ZNF541: variants seen among roughly 807,000 people sequenced by gnomAD.
ZNF541 encodes the protein zinc finger protein 541.
Under a neutral mutation model 123.5 loss-of-function variants are expected in ZNF541, and 23 were observed. The observed-to-expected ratio is 0.19, with a 90% CI of 0.13 to 0.26. The LOEUF is 0.26. Ranked by LOEUF, ZNF541 falls within the 10% of genes least tolerant of loss-of-function variation. ZNF541 has a pLI of 1.00. For missense variants in ZNF541, 1,612 were observed against 1,789.9 expected (o/e 0.90, Z 1.79); for synonymous variants, 751 against 754.5 (o/e 1.00, Z 0.08).
At chr19:47,536,017 G>A (rs1969803003) in intron 9 of ZNF541, among the ~76,000 whole-genome samples, 1 of 152,208 alleles carries the variant, frequency 6.6e-6, no homozygotes. Context: ...TCAATTAAAA[G>A]TATTCCTTAC....
chr19:47,532,761 T>C, intron 10 of ZNF541, 148 bp downstream of exon 10: 1 of 553,504 alleles, frequency 1.8e-6, no homozygotes, highest in Non-Finnish European at 3.2e-6. Flanking sequence ...TCTTCCTACA[T>C]ATATTTGGAA....
chr19:47,541,196 T>C (rs1221775179), intron 5 of ZNF541, among the ~76,000 whole-genome samples: 7 of 152,132 alleles, frequency 4.6e-5, no homozygotes, highest in East Asian at 1.9e-4. Flanking sequence ...GGTGGGAGGA[T>C]TGCTTCAGCC....
rs556892560 is a variant in ZNF541 at position 47,527,951 on chromosome 19, G to A, written c.3570+999C>T. 6.0e-5 allele frequency among the ~76,000 whole-genome samples: 9 copies of A among 148,810 alleles called. No individual in the cohort carries two copies. The South Asian group carries it at 1.1e-3, about 18-fold the overall frequency. ...CAACCTCAGGTGATCCACATGCCTC[G>A]GCCTCCCAAAGTGCTGGGATTACAG... On this transcript the variant is annotated intron_variant, in intron 14 of 16. Coordinates refer to ENST00000391901, the MANE Select transcript of ZNF541 (RefSeq NM_001277075.3).
intron 9 of ZNF541, among the ~76,000 whole-genome samples, chr19:47,535,012 T>C (rs1969752044): frequency 6.6e-6 from 1 of 151,396 alleles, no homozygotes; most frequent in Non-Finnish European, 1.5e-5. Context: ...TGGAGTGCAG[T>C]GGTGCCATCC....
chr19:47,573,198 A>C (rs1971537570), upstream of ZNF541, among the ~76,000 whole-genome samples: 2 of 150,052 alleles, frequency 1.3e-5, no homozygotes, highest in East Asian at 2.0e-4. Context: ...CCACCCCCGG[A>C]TCTCCTCGCT....
chr19:47,545,043 C>T lies in ZNF541; in HGVS notation c.1486G>A (p.Asp496Asn). The T allele has an allele frequency of 6.7e-7, 1 of 1,483,386 alleles. No homozygotes were observed. The highest frequency in any genetic ancestry group is 1.3e-5 in the South Asian group (1 of 77,056). 91.9% of individuals were successfully genotyped at this position (1,483,386 alleles called of 1,614,324 possible). A position where few individuals can be genotyped will look rare whatever the true frequency, so the allele number is the denominator to read the frequency against. Reference sequence around the variant, plus strand: ...ACCTTCTTGGGGGCGCAGGGGTCATCTTCCCCGCTGGCCGACCTGGGGTCG... The same window carrying T: ...ACCTTCTTGGGGGCGCAGGGGTCATTTTCCCCGCTGGCCGACCTGGGGTCG... ...PSDPRSASGE[D>N]DPCAPKKVKV... The change falls in exon 5 of 17, where the codon GAT becomes AAT. Residue 496 changes from aspartate (D) to asparagine (N), a missense_variant. Transcript: ENST00000391901. The surrounding 1 kb of genome is among the most constrained non-coding windows in gnomAD (Gnocchi z 7.5).
At chr19:47,555,324 C>T (rs1165106462) in intron 3 of ZNF541, among the ~76,000 whole-genome samples, 1 of 149,370 alleles carries the variant, frequency 6.7e-6, no homozygotes, top group Non-Finnish European at 1.5e-5. Flanking sequence ...GAGCTGAGAT[C>T]GCGCCACTGC....
chr19:47,545,971 G>A lies in ZNF541; in HGVS notation c.558C>T (p.His186=). The stretch of plus-strand genomic sequence containing the variant: ...GCTTTGTCTTCTGGTGGGTGAGCAT[G>A]TGCCCGGTCCTGGAGCCAGACACAA... The part of the protein sequence containing the change: ...AFKRQDHLTG[H]MLTHQKTKPF... The change falls in exon 5 of 17, where the codon CAC becomes CAT. Residue 186 remains histidine, a synonymous_variant. Transcript: ENST00000391901. The surrounding 1 kb of genome is among the most constrained non-coding windows in gnomAD (Gnocchi z 7.5). The A allele has an allele frequency of 6.8e-7, 1 of 1,479,336 alleles. No individual in the cohort carries two copies. The highest frequency in any genetic ancestry group is 9.0e-7 in the Non-Finnish European group (1 of 1,106,766). 91.6% of individuals were successfully genotyped at this position (1,479,336 alleles called of 1,614,324 possible).
intron 2 of ZNF541, among the ~76,000 whole-genome samples, chr19:47,563,352 G>T (rs1971139801): frequency 6.6e-6 from 1 of 152,184 alleles, no homozygotes; most frequent in Admixed American, 6.6e-5. Flanking sequence ...CAGCGTACGT[G>T]AAATAAAGGC....
Position 47,540,225 on chromosome 19 carries a change from C to T in ZNF541, c.2573G>A (p.Cys858Tyr), listed in dbSNP as rs1970020788. ...TGACGGCCACTGGTCGCTGTGAAAACACATGTGGCTGCTCAGCCCTTTCTC... is the reference window on the plus strand; with the variant it reads ...TGACGGCCACTGGTCGCTGTGAAAATACATGTGGCTGCTCAGCCCTTTCTC... ...YTEKGLSSHM[C>Y]FHSDQWPSPR... is the part of the protein sequence containing the mutation. The change falls in exon 7 of 17, where the codon TGT becomes TAT. Residue 858 changes from cysteine (C) to tyrosine (Y), a missense_variant. Cys to Tyr is a radical substitution (Grantham distance 194). This residue lies in a region of ZNF541 where 1,080 missense variants were observed against 1,013.8 expected (regional missense o/e 1.07). Transcript: ENST00000391901. The T allele has an allele frequency of 6.4e-7, 1 of 1,551,666 alleles. No homozygotes were observed. Among genetic ancestry groups the T allele is most frequent in the Non-Finnish European group, 8.7e-7 (1 of 1,147,048 alleles).
chr19:47,554,444 A>G (rs922861865), intron 3 of ZNF541, among the ~76,000 whole-genome samples: 39 of 152,166 alleles, frequency 2.6e-4, no homozygotes, highest in African/African-American at 8.9e-4. Flanking sequence ...AAAAAAGAAA[A>G]CAAAACAAAC....
At chr19:47,570,388 C>T (rs1971432375) in intron 2 of ZNF541, among the ~76,000 whole-genome samples, 1 of 151,512 alleles carries the variant, frequency 6.6e-6, no homozygotes, top group South Asian at 2.1e-4. Flanking sequence ...GACCGCCTTG[C>T]CAACATGGTG....
At chr19:47,522,047 G>T (rs1969060853) in intron 14 of ZNF541, 53 bp from the exon 15 acceptor site, 26 of 1,545,090 alleles carry the variant, frequency 1.7e-5, no homozygotes, top group Non-Finnish European at 2.3e-5. Context: ...CCCTGGGAGT[G>T]TGACCTTGCC....
chr19:47,539,968 A>G, intron 7 of ZNF541, 90 bp from the exon 8 acceptor site: 1 of 1,490,904 alleles, frequency 6.7e-7, no homozygotes, highest in Non-Finnish European at 8.9e-7. Context: ...TGTCATAGAA[A>G]ACAGCAGTGA....
intron 3 of ZNF541, among the ~76,000 whole-genome samples, chr19:47,552,681 T>C (rs762240641): frequency 1.1e-3 from 128 of 117,098 alleles, no homozygotes; most frequent in Admixed American, 3.2e-3. Flanking sequence ...AGGCGGAGCT[T>C]GCAGTGAGCC....
chr19:47,529,704 C>G (rs1380066744), intron 12 of ZNF541, 52 bp from the exon 13 acceptor site: 1 of 1,456,902 alleles, frequency 6.9e-7, no homozygotes, highest in Non-Finnish European at 9.4e-7. Flanking sequence ...GGAAGAGGAC[C>G]ACAGGCATCC....
chr19:47,563,349 C>T (rs1266818818), intron 2 of ZNF541, among the ~76,000 whole-genome samples: 1 of 152,098 alleles, frequency 6.6e-6, no homozygotes, highest in Admixed American at 6.6e-5. Context: ...ACTCAGCGTA[C>T]GTGAAATAAA....
intron 14 of ZNF541, among the ~76,000 whole-genome samples, chr19:47,525,806 C>T (rs1289518633): frequency 1.3e-5 from 2 of 151,194 alleles, no homozygotes; most frequent in Non-Finnish European, 2.9e-5. Flanking sequence ...GTCGCAGCTA[C>T]TCGGGAGGCT....
intron 8 of ZNF541, among the ~76,000 whole-genome samples, chr19:47,539,069 C>T (rs2123058325): frequency 6.6e-6 from 1 of 152,226 alleles, no homozygotes; most frequent in Middle Eastern, 3.4e-3. Flanking sequence ...CCCCTGGGAA[C>T]TCTCTGGGCT....
Sources: allele counts gnomAD v4.1 joint callset (sites outside exome capture counted in the v4.1 genomes callset), GRCh38; gene constraint gnomAD v4.1.1; regional missense constraint gnomAD v4.1.1; non-coding constraint Gnocchi (gnomAD v3.1); transcripts MANE v1.5; gene names NCBI Gene and HGNC (gene_info 2026-07-23, HGNC 2026-07-21).